SPNS3: variants seen among roughly 807,000 people sequenced by gnomAD.
The protein encoded by SPNS3 is SPNS lysolipid transporter 3, sphingosine-1-phosphate (putative).
SPNS3 carries 51 observed loss-of-function variants against 54.4 expected under a neutral mutation model. The observed-to-expected ratio is 0.94, with a 90% CI of 0.75 to 1.18. SPNS3 has a LOEUF of 1.18. SPNS3 is among the 50% of genes most tolerant of loss of function. SPNS3 has a pLI of 0.00. For missense variants in SPNS3, 669 were observed against 677.4 expected (o/e 0.99, Z 0.14); for synonymous variants, 309 against 294.7 (o/e 1.05, Z -0.50).
intron 8 of SPNS3, among the ~76,000 whole-genome samples, chr17:4,470,051 A>G (rs1971815296): frequency 6.6e-6 from 1 of 152,172 alleles, no homozygotes; most frequent in African/African-American, 2.4e-5. Flanking sequence ...ATACATTCAC[A>G]GGCTTATGGT....
At chr17:4,443,913 C>G (rs761784889) in intron 2 of SPNS3, among the ~76,000 whole-genome samples, 5 of 152,292 alleles carry the variant, frequency 3.3e-5, no homozygotes, top group Middle Eastern at 3.4e-3. Flanking sequence ...CCAGCCTGCA[C>G]AAGATGGTGA....
Position 4,486,264 on chromosome 17 carries a change from G to A in SPNS3, c.1216G>A (p.Ala406Thr), listed in dbSNP as rs1028708013. 2 of 1,581,674 alleles carry A rather than the reference G, an allele frequency of 1.3e-6. No homozygotes were observed. Among genetic ancestry groups the A allele is most frequent in the Admixed American group, 1.9e-5 (1 of 51,978 alleles). The change falls in exon 10 of 12, where the codon GCA (alanine) becomes ACA (threonine). Residue 406 changes from alanine (A) to threonine (T), a missense_variant. Transcript: ENST00000355530. The surrounding 1 kb of genome is among the most constrained non-coding windows in gnomAD (Gnocchi z 5.5). ...GCCCAGATGCCGGGGGACGGCAGAGGCACTTCAGATCACGGTGGGCCACAT... is the reference window on the plus strand; with the variant it reads ...GCCCAGATGCCGGGGGACGGCAGAGACACTTCAGATCACGGTGGGCCACAT... The part of the protein sequence containing the change: ...VVPRCRGTAE[A>T]LQITVGHILG...
intron 8 of SPNS3, among the ~76,000 whole-genome samples, chr17:4,473,744 C>A (rs1971917904): frequency 1.3e-5 from 2 of 152,092 alleles, no homozygotes; most frequent in African/African-American, 4.8e-5. Context: ...CTGATAACTG[C>A]CCATCTGGTG....
intron 1 of SPNS3, among the ~76,000 whole-genome samples, chr17:4,435,546 G>C (rs1482438280): frequency 6.6e-6 from 1 of 151,312 alleles, no homozygotes; most frequent in Non-Finnish European, 1.5e-5. Context: ...TGAGGGGTGG[G>C]TGGGTGAGGA....
chr17:4,485,406 T>C (rs141825046), intron 9 of SPNS3, among the ~76,000 whole-genome samples: 1 of 151,828 alleles, frequency 6.6e-6, no homozygotes, highest in Admixed American at 6.5e-5. Flanking sequence ...TTTTATTTTT[T>C]TTTTTTTTGA....
intron 8 of SPNS3, among the ~76,000 whole-genome samples, chr17:4,469,571 A>G (rs1971799479): frequency 6.8e-6 from 1 of 146,996 alleles, no homozygotes; most frequent in African/African-American, 2.6e-5. Flanking sequence ...GTGAGCCAGG[A>G]TCGCGCCACT....
Position 4,446,104 on chromosome 17 carries a change from C to T in SPNS3, c.459C>T (p.Tyr153=), listed in dbSNP as rs772939738. The T allele has an allele frequency of 1.2e-6, 2 of 1,613,318 alleles. No individual in the cohort carries two copies. The highest frequency in any genetic ancestry group is 1.7e-6 in the Non-Finnish European group (2 of 1,179,464). ...RGIVGTGSAS[Y]STIAPTVLGD... is the part of the protein sequence containing the mutation. ...TCGTGGGCACTGGCTCGGCCAGCTA[C>T]TCCACCATCGCGCCCACCGTCCTGG... The change falls in exon 4 of 12, where the codon TAC becomes TAT. Residue 153 remains tyrosine, a synonymous_variant. Transcript: ENST00000355530.
At chr17:4,478,443 A>G in intron 8 of SPNS3, 129 bp from the exon 9 acceptor site, 1 of 790,728 alleles carries the variant, frequency 1.3e-6, no homozygotes, top group South Asian at 1.8e-5. Context: ...TTCCTCGCTC[A>G]CTCCAATAAG....
chr17:4,439,756 C>T, intron 2 of SPNS3, 33 bp downstream of exon 2: 1 of 1,588,448 alleles, frequency 6.3e-7, no homozygotes, highest in Non-Finnish European at 8.6e-7. Context: ...GAGCCGGGGC[C>T]CTGGGTTCAT....
chr17:4,446,968 TC>T lies in SPNS3; in HGVS notation c.621+8del. The T allele has an allele frequency of 1.2e-6, 2 of 1,613,950 alleles. No homozygotes were observed. The highest frequency in any genetic ancestry group is 1.7e-6 in the Non-Finnish European group (2 of 1,179,914). ...ACTGGCGCTGGGCCCTCCGAGTGAG[TC>T]CAGCTTCCTTTTCTTCCCTCTGCTT... On this transcript the variant is annotated splice_region_variant and intron_variant, in intron 5 of 11. Transcript: ENST00000355530.
chr17:4,455,567 G>A (rs62067397), intron 8 of SPNS3, among the ~76,000 whole-genome samples: 17,725 of 152,158 alleles, frequency 0.12, 1,089 homozygotes, highest in Middle Eastern at 0.19. Context: ...GTCTTGCCCC[G>A]GTAGGCAATC....
intron 5 of SPNS3, 21 bp from the exon 6 acceptor site, chr17:4,448,134 C>G: frequency 6.4e-7 from 1 of 1,563,550 alleles, no homozygotes; most frequent in Non-Finnish European, 8.6e-7. Context: ...CCCTGAGCTT[C>G]CTGGGCCCTC....
intron 8 of SPNS3, among the ~76,000 whole-genome samples, chr17:4,475,235 T>C (rs1567573435): frequency 6.6e-6 from 1 of 152,108 alleles, no homozygotes; most frequent in Non-Finnish European, 1.5e-5. Context: ...AGGCCCTATC[T>C]CCCAGAGGGA....
At chr17:4,437,779 C>CA (rs1970750241) in intron 1 of SPNS3, among the ~76,000 whole-genome samples, 1 of 142,990 alleles carries the variant, frequency 7.0e-6, no homozygotes, top group Non-Finnish European at 1.5e-5. Context: ...AATGTCTAAA[C>CA]AAAGATTTCT....
Position 4,434,125 on chromosome 17 carries a change from A to ACAT in SPNS3, c.161_163dup (p.Ile54dup), listed in dbSNP as rs1237869436. On this transcript the variant is annotated inframe_insertion, in exon 1 of 12. Transcript: ENST00000355530. ...TACGTGGCTGCCGCCGTCCTCTGCT[A>ACAT]CATCAACCTCCTGAATTACATGAAC... 7.4e-6 allele frequency: 12 copies of ACAT among 1,612,122 alleles called. No homozygotes were observed. Among genetic ancestry groups the ACAT allele is most frequent in the Non-Finnish European group, 9.3e-6 (11 of 1,179,208 alleles).
At chr17:4,472,996 C>T (rs932452522) in intron 8 of SPNS3, among the ~76,000 whole-genome samples, 23 of 151,262 alleles carry the variant, frequency 1.5e-4, no homozygotes, top group African/African-American at 5.6e-4. Context: ...ACTATGTTGT[C>T]CAGGCTGGTC....
Position 4,448,240 on chromosome 17 carries a change from G to A in SPNS3, c.707G>A (p.Gly236Glu). Residue 236 changes from glycine to glutamate, a missense_variant, in exon 6 of 12, where the codon GGG becomes GAG. By Grantham distance (98) the Gly-to-Glu change is moderately conservative (BLOSUM62 -2). Coordinates refer to ENST00000355530, the MANE Select transcript of SPNS3 (RefSeq NM_182538.5). ...CCCCGGGGAGCTGCCGAGACACAGG[G>A]GGAGGGGGCCGTGGGAGGCTTCAGG... ...DPPRGAAETQ[G>E]EGAVGGFRSS... is the part of the protein sequence containing the mutation. 1 of 1,601,346 alleles carries A rather than the reference G, an allele frequency of 6.2e-7. No homozygotes were observed. Among genetic ancestry groups the A allele is most frequent in the Non-Finnish European group, 8.5e-7 (1 of 1,174,718 alleles).
rs755516866 is a variant in SPNS3, at chr17:4,453,204, A to G, written c.1112A>G (p.Tyr371Cys). Reference protein sequence around the residue: ...VLAPTTLLASYVFLGLGELLL... With the variant: ...VLAPTTLLASCVFLGLGELLL... ...GCCCCGACCACCCTGCTGGCCTCCT[A>G]TGTAAGTGAGAGCCTCTATGGAGGT... The change falls in exon 8 of 12, where the codon TAT becomes TGT. Residue 371 changes from tyrosine (Y) to cysteine (C), a missense_variant and splice_region_variant. Transcript: ENST00000355530. 68 of 1,611,302 alleles carry G rather than the reference A, an allele frequency of 4.2e-5. No individual in the cohort carries two copies. The highest frequency in any genetic ancestry group is 5.5e-5 in the Non-Finnish European group (65 of 1,178,974).
chr17:4,438,038 C>T (rs896163603), intron 1 of SPNS3, among the ~76,000 whole-genome samples: 6 of 152,214 alleles, frequency 3.9e-5, no homozygotes, highest in African/African-American at 9.6e-5. Context: ...CTGCCGGCCT[C>T]GGCCTCCCAA....
Sources: allele counts gnomAD v4.1 joint callset (sites outside exome capture counted in the v4.1 genomes callset), GRCh38; gene constraint gnomAD v4.1.1; non-coding constraint Gnocchi (gnomAD v3.1); transcripts MANE v1.5; gene names NCBI Gene and HGNC (gene_info 2026-07-23, HGNC 2026-07-21).